Variants in SYT17 observed in about 807,000 individuals in gnomAD.
SYT17 encodes the protein synaptotagmin 17, also known as synaptotagmin-17.
In SYT17, 22 loss-of-function variants were observed where a neutral mutation model predicts 46.7. The observed-to-expected ratio is 0.47, with a 90% CI of 0.34 to 0.67. The LOEUF (loss-of-function observed/expected upper bound fraction) is 0.67, where lower values mean the gene tolerates loss of function less well. Ranked by LOEUF, SYT17 falls within the 30% of genes least tolerant of loss-of-function variation. SYT17 has a pLI of 0.01. For missense variants in SYT17, 519 were observed against 612.8 expected (o/e 0.85, Z 1.62); for synonymous variants, 251 against 248.4 (o/e 1.01, Z -0.10).
In SYT17 at chr16:19,267,751, G is replaced by A. The variant is rs1032237271; in HGVS notation, c.*675G>A. 6.6e-6 allele frequency: 1 copy of A among 152,242 alleles called. No homozygotes were observed. The highest frequency in any genetic ancestry group is 2.4e-5 in the African/African-American group (1 of 41,454). 9.4% of individuals were successfully genotyped at this position (152,242 alleles called of 1,614,324 possible). On this transcript the variant is annotated 3_prime_UTR_variant, in exon 8 of 8. Transcript: ENST00000355377. ...ATCCCAGGGAACGCCCTGTGGGTAT[G>A]TATGTGTATGTCCTCGTGCATGTGC...
chr16:19,220,854 G>C (rs918287946), intron 5 of SYT17, among the ~76,000 whole-genome samples: 6 of 152,110 alleles, frequency 3.9e-5, no homozygotes. Context: ...ATTTTTGCTG[G>C]AGACAGGCCA....
chr16:19,249,273 C>G (rs559953698), intron 7 of SYT17, among the ~76,000 whole-genome samples: 1 of 56,704 alleles, frequency 1.8e-5, no homozygotes, highest in South Asian at 8.0e-4. Context: ...GACGCCGTCT[C>G]AAAAATAAAT....
chr16:19,234,262 G>C lies in SYT17; in HGVS notation c.1228+9424G>C, dbSNP rs71384403. ...GATCGCTTGAACCCAGGAGTCCAAGGCTGCAGTAAACTATGATCACACCAC... is the reference window on the plus strand; with the variant it reads ...GATCGCTTGAACCCAGGAGTCCAAGCCTGCAGTAAACTATGATCACACCAC... On this transcript the variant is annotated intron_variant, in intron 7 of 7. Transcript: ENST00000355377. Among the ~76,000 whole-genome samples the C allele has an allele frequency of 6.7e-3, 1,022 of 152,084 alleles. 4 individuals carry two copies. The highest frequency in any genetic ancestry group is 0.011 in the Non-Finnish European group (736 of 67,996).
At chr16:19,247,518 C>T (rs1380934591) in intron 7 of SYT17, among the ~76,000 whole-genome samples, 1 of 151,858 alleles carries the variant, frequency 6.6e-6, no homozygotes, top group Non-Finnish European at 1.5e-5. Flanking sequence ...AGGCATGAGC[C>T]ACTGCAACCA....
chr16:19,231,998 T>C (rs1315345968), intron 7 of SYT17, among the ~76,000 whole-genome samples: 1 of 152,082 alleles, frequency 6.6e-6, no homozygotes, highest in Non-Finnish European at 1.5e-5. Flanking sequence ...AGCTGGGAGC[T>C]GAAGGACAAG....
intron 7 of SYT17, among the ~76,000 whole-genome samples, chr16:19,236,565 G>C (rs1005925819): frequency 2.7e-4 from 41 of 152,056 alleles, no homozygotes; most frequent in African/African-American, 9.2e-4. Context: ...TCAATAATTT[G>C]CTAGAAAGAC....
intron 5 of SYT17, among the ~76,000 whole-genome samples, chr16:19,217,534 T>C: frequency 6.6e-6 from 1 of 152,234 alleles, no homozygotes; most frequent in Non-Finnish European, 1.5e-5. Context: ...TATCAATGCT[T>C]CATTGTTTTT....
chr16:19,258,071 C>A (rs1004368547), intron 7 of SYT17, among the ~76,000 whole-genome samples: 4 of 152,016 alleles, frequency 2.6e-5, no homozygotes, highest in Non-Finnish European at 5.9e-5. Flanking sequence ...TAATTTAGCT[C>A]CTATGGTGAG....
chr16:19,185,939 G>A (rs1319659468), intron 5 of SYT17, among the ~76,000 whole-genome samples: 1 of 152,188 alleles, frequency 6.6e-6, no homozygotes, highest in African/African-American at 2.4e-5. Flanking sequence ...CAAGAGGCGG[G>A]GAGTGTTCCC....
At chr16:19,204,003 G>A (rs1965569793) in intron 5 of SYT17, among the ~76,000 whole-genome samples, 1 of 152,208 alleles carries the variant, frequency 6.6e-6, no homozygotes, top group Admixed American at 6.5e-5. Context: ...TCCTGAGGGG[G>A]ATGGGAGCCG....
intron 7 of SYT17, among the ~76,000 whole-genome samples, chr16:19,243,866 G>A (rs377701732): frequency 1.4e-5 from 2 of 141,604 alleles, no homozygotes. Flanking sequence ...TGACAACCTC[G>A]TGATAAAATA....
intron 5 of SYT17, among the ~76,000 whole-genome samples, chr16:19,212,979 A>T (rs1173711530): frequency 6.6e-6 from 1 of 152,192 alleles, no homozygotes; most frequent in Non-Finnish European, 1.5e-5. Context: ...TCCAGAGGGG[A>T]CTGAAGACAG....
chr16:19,255,224 G>A (rs892338664), intron 7 of SYT17, among the ~76,000 whole-genome samples: 1 of 152,118 alleles, frequency 6.6e-6, no homozygotes, highest in African/African-American at 2.4e-5. Flanking sequence ...CCTTTGGTTG[G>A]GAGAGGGGAG....
chr16:19,262,408 CT>C (rs1969044651), intron 7 of SYT17, among the ~76,000 whole-genome samples: 1 of 152,186 alleles, frequency 6.6e-6, no homozygotes, highest in Non-Finnish European at 1.5e-5. Context: ...TGATCTGGGA[CT>C]TCCTAGCTTC....
At chr16:19,250,177 C>T in intron 7 of SYT17, 1 of 1,172,880 alleles carries the variant, frequency 8.5e-7, no homozygotes, top group Non-Finnish European at 1.1e-6. Context: ...CATGAACACC[C>T]ATATTTCTAC....
intron 3 of SYT17, among the ~76,000 whole-genome samples, chr16:19,179,092 G>A (rs755291195): frequency 6.6e-6 from 1 of 151,704 alleles, no homozygotes; most frequent in Non-Finnish European, 1.5e-5. Flanking sequence ...GATGTATTGA[G>A]CAGCTGTTTA....
chr16:19,172,656 T>A (rs1454362992), intron 1 of SYT17, 104 bp from the exon 2 acceptor site: 34 of 1,541,330 alleles, frequency 2.2e-5, no homozygotes, highest in Non-Finnish European at 2.5e-5. Context: ...TTTTGTAAAA[T>A]TTTTTTGAGT....
In SYT17 at chr16:19,172,467, C is replaced by G. The variant is rs1964135889; in HGVS notation, c.16-293C>G. 7 of 1,456,402 alleles carry G rather than the reference C, an allele frequency of 4.8e-6. No individual in the cohort carries two copies. The South Asian group carries it at 1.0e-4, about 22-fold the overall frequency. 90.2% of individuals were successfully genotyped at this position (1,456,402 alleles called of 1,614,324 possible). On this transcript the variant is annotated intron_variant, in intron 1 of 7. Coordinates refer to ENST00000355377, the MANE Select transcript of SYT17 (RefSeq NM_016524.4). ...TAGCATGACTATCTATCCGCCCGCT[C>G]TGATTCATAACAGCATACGGTGCAA... is the stretch of plus-strand genomic sequence containing the variant.
chr16:19,251,492 G>A lies in SYT17; in HGVS notation c.1229-15388G>A, dbSNP rs766227698. Among the ~76,000 whole-genome samples, 18 of 152,206 alleles carry A rather than the reference G, an allele frequency of 1.2e-4. 1 individual carries two copies. The highest frequency in any genetic ancestry group is 4.4e-5 in the Non-Finnish European group (3 of 68,036). On this transcript the variant is annotated intron_variant, in intron 7 of 7. Coordinates refer to ENST00000355377, the MANE Select transcript of SYT17 (RefSeq NM_016524.4). Reference sequence around the variant, plus strand: ...TCCTTTGGAGAGATGCTGCAGGTCTGTGGTGTGTGTCTGAGTTCTAGGGCC... The same window carrying A: ...TCCTTTGGAGAGATGCTGCAGGTCTATGGTGTGTGTCTGAGTTCTAGGGCC...
Sources: gnomAD v4.1 joint callset for allele counts (sites outside exome capture counted in the v4.1 genomes callset) on GRCh38, gnomAD v4.1.1 for gene constraint, MANE v1.5 for transcripts, NCBI Gene and HGNC (gene_info 2026-07-23, HGNC 2026-07-21) for gene names.